Variants in MED14 observed in about 807,000 individuals in gnomAD.
MED14 encodes the protein mediator complex subunit 14, also known as mediator of RNA polymerase II transcription subunit 14.
A neutral mutation model predicts 109.0 loss-of-function variants in MED14; 8 were observed. The ratio of observed to expected loss-of-function variants is 0.07; its 90% CI spans 0.04 to 0.13. MED14 has a LOEUF of 0.13. Among genes scored for constraint, MED14 ranks in the 10% least tolerant of loss-of-function variants. MED14 has a pLI of 1.00. For missense variants in MED14, 711 were observed against 1,142.4 expected, an observed-to-expected ratio of 0.62 and a Z score of 5.44; for synonymous variants, 399 against 408.7, an observed-to-expected ratio of 0.98 and a Z score of 0.29.
intron 10 of MED14, among the ~76,000 whole-genome samples, chrX:40,704,458 G>A (rs1411047760): frequency 1.8e-5 from 2 of 112,069 alleles, no homozygotes; most frequent in Admixed American, 9.5e-5. Context: ...GGGGAGTGGC[G>A]ATGCAGGCCT....
chrX:40,669,696 C>A (rs1929647446), intron 23 of MED14, among the ~76,000 whole-genome samples: 1 of 111,825 alleles, frequency 8.9e-6, no homozygotes, highest in South Asian at 3.7e-4. Context: ...AAATTGTTAA[C>A]AGCGCCCTGT....
Position 40,726,823 on chromosome X carries a change from G to T in MED14, c.271C>A (p.Arg91=). 5 of 1,206,114 alleles carry T rather than the reference G, an allele frequency of 4.1e-6. No individual in the cohort carries two copies. The highest frequency in any genetic ancestry group is 5.6e-6 in the Non-Finnish European group (5 of 892,926). Residue 91 remains arginine, a synonymous_variant, in exon 3 of 31, where the codon CGG becomes AGG. Transcript: ENST00000324817. ...RKIEIVQFAS[R]TRQLFVRLLA... ...AATCGAACGAAGAGTTGGCGTGTCC[G>T]GCTAGCAAACTGCACTATTTCTATT...
rs1163992897 is a variant in MED14 at position 40,679,958 on chromosome X, C to T, written c.2786G>A (p.Arg929Gln). The T allele has an allele frequency of 5.0e-6, 6 of 1,209,812 alleles. No individual in the cohort carries two copies. In the South Asian group the frequency reaches 5.3e-5, roughly 11 times the overall value. The change falls in exon 21 of 31, where the codon CGG (arginine) becomes CAG (glutamine). Residue 929 changes from arginine (R) to glutamine (Q), a missense_variant. Arg to Gln is a conservative substitution (Grantham distance 43, BLOSUM62 1). Coordinates refer to ENST00000324817, the MANE Select transcript of MED14 (RefSeq NM_004229.4). ...RNMYCIDIYCRSRGVVAIRDG... is the reference protein window; with the variant it reads ...RNMYCIDIYCQSRGVVAIRDG... ...CCGTATTGCCACAACACCTCGACTCCGGCAGTATATATCAATGCAATACAT... is the reference window on the plus strand; with the variant it reads ...CCGTATTGCCACAACACCTCGACTCTGGCAGTATATATCAATGCAATACAT...
chrX:40,709,949 C>A (rs750082737), intron 9 of MED14, 30 bp downstream of exon 9: 28 of 1,051,694 alleles, frequency 2.7e-5, no homozygotes, highest in Middle Eastern at 2.5e-4. Context: ...TTCATTTAAA[C>A]CAATATGAAA....
chrX:40,732,257 G>A (rs898039671), intron 1 of MED14, among the ~76,000 whole-genome samples: 7 of 112,760 alleles, frequency 6.2e-5, no homozygotes, highest in African/African-American at 2.3e-4. Context: ...AGCGGCTCAC[G>A]CCTGTAATCC....
chrX:40,715,027 G>T, intron 3 of MED14: 1 of 171,841 alleles, frequency 5.8e-6, no homozygotes, highest in Non-Finnish European at 1.1e-5. Flanking sequence ...TCCTCTTACA[G>T]ACTTCCAGAG....
At chrX:40,708,945 T>C (rs1931241428) in intron 10 of MED14, among the ~76,000 whole-genome samples, 1 of 111,906 alleles carries the variant, frequency 8.9e-6, no homozygotes, top group Non-Finnish European at 1.9e-5. Context: ...AAATGTTAGC[T>C]CATGTTTCAT....
intron 3 of MED14, among the ~76,000 whole-genome samples, chrX:40,719,411 T>C (rs948248042): frequency 1.8e-5 from 2 of 111,802 alleles, no homozygotes; most frequent in African/African-American, 6.5e-5. Context: ...CAAATGCCTA[T>C]TAACTGATGA....
intron 10 of MED14, among the ~76,000 whole-genome samples, chrX:40,708,960 T>C (rs1931241866): frequency 9.0e-6 from 1 of 111,683 alleles, no homozygotes; most frequent in Non-Finnish European, 1.9e-5. Context: ...TTTCATAAAG[T>C]TTTTCTTTTT....
At position 40,650,799 on chromosome X, in the gene MED14, G is replaced by T; in HGVS notation, c.*1007C>A. On this transcript the variant is annotated 3_prime_UTR_variant, in exon 31 of 31. Transcript: ENST00000324817. ...TTAGAACAATCCCAATTTTGGTGGG[G>T]AAGGAAAGGAGGATAAGTTAAGCAA... 1 of 753,869 alleles carries T rather than the reference G, an allele frequency of 1.3e-6. No individual in the cohort carries two copies. The highest frequency in any genetic ancestry group is 6.7e-5 in the South Asian group (1 of 14,851). 62.1% of individuals were successfully genotyped at this position (753,869 alleles called of 1,213,427 possible).
chrX:40,703,653 C>A, intron 10 of MED14, 84 bp from the exon 11 acceptor site: 1 of 784,339 alleles, frequency 1.3e-6, no homozygotes. Flanking sequence ...TACAAACAAA[C>A]CAACTATTGA....
At chrX:40,701,281 T>C (rs1930926930) in intron 11 of MED14, 38 bp from the exon 12 acceptor site, 2 of 930,348 alleles carry the variant, frequency 2.1e-6, no homozygotes, top group Admixed American at 2.7e-5. Context: ...ATTGCTTATA[T>C]GAGAAACAAA....
Position 40,729,298 on chromosome X carries a change from GTTTT to G in MED14, c.242+17_242+20del, listed in dbSNP as rs750749445. 1.5e-5 allele frequency: 16 copies of G among 1,066,883 alleles called. No homozygotes were observed. The highest frequency in any genetic ancestry group is 2.0e-5 in the African/African-American group (1 of 50,581). The allele number at this position is 1,066,883 out of a possible 1,213,427, so 87.9% of individuals were successfully genotyped here. A position where few individuals can be genotyped will look rare whatever the true frequency, so the allele number is the denominator to read the frequency against. Reference sequence around the variant, plus strand: ...ATTGATCAATAAAGAGACTTTAAGGGTTTTTTTTTTCCATACTCACCTTTCCACA... The same window carrying G: ...ATTGATCAATAAAGAGACTTTAAGGGTTTTTTCCATACTCACCTTTCCACA... On this transcript the variant is annotated intron_variant, in intron 2 of 30. Coordinates refer to ENST00000324817, the MANE Select transcript of MED14 (RefSeq NM_004229.4).
upstream of MED14, chrX:40,735,581 G>C: frequency 1.9e-6 from 1 of 539,929 alleles, no homozygotes; most frequent in Non-Finnish European, 3.2e-6. Context: ...CCCCCATGTA[G>C]CGAGAAGTCC....
chrX:40,714,479 C>A (rs772893952), intron 4 of MED14, 58 bp downstream of exon 4: 78 of 1,126,682 alleles, frequency 6.9e-5, no homozygotes, highest in African/African-American at 2.7e-4. Context: ...ATAATACAAT[C>A]CAATCCAGTG....
In MED14 at chrX:40,693,019, A is replaced by G. The variant is rs1174239261; in HGVS notation, c.1651-117T>C. On this transcript the variant is annotated intron_variant, in intron 13 of 30. Transcript: ENST00000324817. ...ATCTAATGTAGATGTCTTAAAAAAA[A>G]AAAAGGTTAAATCAATCGTATCAAA... The G allele has an allele frequency of 9.5e-6, 5 of 523,800 alleles. No individual in the cohort carries two copies. In the East Asian group the frequency reaches 2.2e-4, roughly 23 times the overall value. 43.2% of individuals were successfully genotyped at this position (523,800 alleles called of 1,213,427 possible). A position where few individuals can be genotyped will look rare whatever the true frequency, so the allele number is the denominator to read the frequency against.
At chrX:40,730,965 C>T (rs1932062057) in intron 1 of MED14, among the ~76,000 whole-genome samples, 1 of 108,053 alleles carries the variant, frequency 9.3e-6, no homozygotes, top group African/African-American at 3.4e-5. Context: ...AGCCTGGGCA[C>T]ACATGGCAAC....
chrX:40,702,746 T>C (rs1457000105), intron 11 of MED14, among the ~76,000 whole-genome samples: 3 of 111,629 alleles, frequency 2.7e-5, no homozygotes, highest in Non-Finnish European at 5.6e-5. Context: ...AAATGTGATG[T>C]CATTCAAAGT....
chrX:40,650,372 G>C lies in MED14; in HGVS notation c.*1434C>G, dbSNP rs913537581. ...ATGATATAGGTACAGTGAGATACTTGAAACTAGAATTTGATAGTTGATAGT... is the reference window on the plus strand; with the variant it reads ...ATGATATAGGTACAGTGAGATACTTCAAACTAGAATTTGATAGTTGATAGT... On this transcript the variant is annotated 3_prime_UTR_variant, in exon 31 of 31. Coordinates refer to ENST00000324817, the MANE Select transcript of MED14 (RefSeq NM_004229.4). 2.7e-6 allele frequency: 2 copies of C among 752,015 alleles called. No homozygotes were observed. Among genetic ancestry groups the C allele is most frequent in the Non-Finnish European group, 3.1e-6 (2 of 637,200 alleles). The allele number at this position is 752,015 out of a possible 1,213,427, so 62.0% of individuals were successfully genotyped here.
Sources: allele counts gnomAD v4.1 joint callset (sites outside exome capture counted in the v4.1 genomes callset), GRCh38; gene constraint gnomAD v4.1.1; transcripts MANE v1.5; gene names NCBI Gene and HGNC (gene_info 2026-07-23, HGNC 2026-07-21).